The following ZFAND3 variants were observed in gnomAD, a reference collection of about 807,000 sequenced individuals.
The protein encoded by ZFAND3 is zinc finger AN1-type containing 3, also known as AN1-type zinc finger protein 3.
A neutral mutation model predicts 29.6 loss-of-function variants in ZFAND3; 10 were observed. The observed-to-expected ratio is 0.34, with a 90% CI of 0.21 to 0.57. The LOEUF (loss-of-function observed/expected upper bound fraction) is 0.57. ZFAND3 is among the 20% of genes least tolerant of loss of function. ZFAND3 has a pLI of 0.86. For synonymous variants in ZFAND3, 128 were observed against 112.6 expected, an observed-to-expected ratio of 1.14 and a Z score of -0.87; for missense variants, 230 against 304.5, an observed-to-expected ratio of 0.76 and a Z score of 1.82.
chr6:38,099,073 T>G (rs946677700), intron 4 of ZFAND3, among the ~76,000 whole-genome samples: 6 of 152,084 alleles, frequency 3.9e-5, no homozygotes, highest in African/African-American at 1.4e-4. Flanking sequence ...TTTCCTGAGG[T>G]CTCTAAGCTT....
intron 2 of ZFAND3, among the ~76,000 whole-genome samples, chr6:38,014,393 C>A (rs1439416194): frequency 6.6e-6 from 1 of 151,880 alleles, no homozygotes; most frequent in Non-Finnish European, 1.5e-5. Flanking sequence ...GTGGCGCGAT[C>A]TTGGCTCACT....
intron 1 of ZFAND3, among the ~76,000 whole-genome samples, chr6:37,837,682 TTTTTA>T (rs1763994929): frequency 6.6e-6 from 1 of 152,094 alleles, no homozygotes; most frequent in African/African-American, 2.4e-5. Flanking sequence ...CTTTTTTGTA[TTTTTA>T]ATAGAGACAG....
At position 38,153,185 on chromosome 6, in the gene ZFAND3, G is replaced by A; in HGVS notation, c.*796G>A. ...ATTCGCCAGTGCAGGGATCTGGCAC[G>A]GACCAGATGTGGCGAATGGCAGCAC... is the stretch of plus-strand genomic sequence containing the variant. On this transcript the variant is annotated 3_prime_UTR_variant, in exon 6 of 6. Coordinates refer to ENST00000287218, the MANE Select transcript of ZFAND3 (RefSeq NM_021943.3). The A allele has an allele frequency of 1.0e-6, 1 of 985,268 alleles. No individual in the cohort carries two copies. The highest frequency in any genetic ancestry group is 4.7e-5 in the South Asian group (1 of 21,292). 61.0% of individuals were successfully genotyped at this position (985,268 alleles called of 1,614,324 possible).
chr6:38,139,438 A>G (rs1488854487), intron 5 of ZFAND3, among the ~76,000 whole-genome samples: 3 of 152,188 alleles, frequency 2.0e-5, no homozygotes, highest in Non-Finnish European at 4.4e-5. Flanking sequence ...TTGAAGGAAA[A>G]GTTCAAGATG....
intron 1 of ZFAND3, among the ~76,000 whole-genome samples, chr6:37,834,000 C>G (rs182607949): frequency 7.7e-4 from 117 of 152,144 alleles, no homozygotes; most frequent in African/African-American, 2.7e-3. Context: ...AATTGATGAA[C>G]CTACAGTGAC....
At chr6:37,834,870 A>T (rs1581696441) in intron 1 of ZFAND3, among the ~76,000 whole-genome samples, 1 of 150,600 alleles carries the variant, frequency 6.6e-6, no homozygotes, top group Non-Finnish European at 1.5e-5. Context: ...AAAAAACTAG[A>T]TACTACCAGT....
chr6:38,103,480 C>T (rs910960041), intron 4 of ZFAND3, among the ~76,000 whole-genome samples: 2 of 24,486 alleles, frequency 8.2e-5, no homozygotes, highest in African/African-American at 1.1e-4. Context: ...TATATATATA[C>T]ACACATATAT....
At chr6:37,911,519 T>A (rs1242417915) in intron 1 of ZFAND3, among the ~76,000 whole-genome samples, 1 of 152,210 alleles carries the variant, frequency 6.6e-6, no homozygotes, top group Non-Finnish European at 1.5e-5. Context: ...GTTGACTGTT[T>A]CCTTTTCTTT....
At chr6:37,973,266 A>G (rs933685257) in intron 2 of ZFAND3, among the ~76,000 whole-genome samples, 5 of 152,204 alleles carry the variant, frequency 3.3e-5, no homozygotes, top group African/African-American at 1.2e-4. Flanking sequence ...AAAAAATTCT[A>G]TGCTCCATTC....
At chr6:38,076,073 T>C (rs1044680011) in intron 3 of ZFAND3, among the ~76,000 whole-genome samples, 4 of 151,972 alleles carry the variant, frequency 2.6e-5, no homozygotes, top group African/African-American at 9.7e-5. Context: ...TTTTAAGAAA[T>C]TGCTGCACCT....
At chr6:37,927,707 T>A (rs1761514653) in intron 1 of ZFAND3, among the ~76,000 whole-genome samples, 1 of 152,220 alleles carries the variant, frequency 6.6e-6, no homozygotes, top group Non-Finnish European at 1.5e-5. Context: ...GAAGTTGTGC[T>A]TCTTCTAGAT....
chr6:37,934,381 A>G (rs959156673), intron 2 of ZFAND3, among the ~76,000 whole-genome samples: 1 of 151,734 alleles, frequency 6.6e-6, no homozygotes, highest in Non-Finnish European at 1.5e-5. Flanking sequence ...ATCATCCAAT[A>G]TTTTCTATGC....
At chr6:38,060,492 C>G (rs1764213568) in intron 2 of ZFAND3, among the ~76,000 whole-genome samples, 1 of 150,134 alleles carries the variant, frequency 6.7e-6, no homozygotes, top group Non-Finnish European at 1.5e-5. Flanking sequence ...CCTGTCCTGT[C>G]CTGTCCTCCC....
chr6:37,854,857 A>G (rs780567062), intron 1 of ZFAND3, among the ~76,000 whole-genome samples: 6 of 142,194 alleles, frequency 4.2e-5, no homozygotes, highest in Non-Finnish European at 9.1e-5. Flanking sequence ...CTCTGCAGTT[A>G]TATATGTCTT....
intron 1 of ZFAND3, among the ~76,000 whole-genome samples, chr6:37,910,238 T>C (rs1198651635): frequency 2.0e-5 from 3 of 152,192 alleles, no homozygotes; most frequent in Non-Finnish European, 4.4e-5. Context: ...TGCCTCAGTT[T>C]CCCCATTTGT....
At chr6:37,914,739 G>T (rs1235611652) in intron 1 of ZFAND3, among the ~76,000 whole-genome samples, 1 of 140,380 alleles carries the variant, frequency 7.1e-6, no homozygotes, top group Non-Finnish European at 1.5e-5. Flanking sequence ...CTGACCTCGT[G>T]ATCTGCCTGC....
rs760769744 is a variant in ZFAND3 at position 38,116,630 on chromosome 6, G to T, written c.420G>T (p.Thr140=). ...AACGGCCACGACTACTTGAGAATAC[G>T]GAACGGTCCGAGGAAACCAGTCGAT... ...PVKRPRLLEN[T]ERSEETSRSK... The change falls in exon 5 of 6, where the codon ACG becomes ACT. Residue 140 remains threonine, a synonymous_variant. Coordinates refer to ENST00000287218, the MANE Select transcript of ZFAND3 (RefSeq NM_021943.3). The T allele has an allele frequency of 6.2e-7, 1 of 1,613,952 alleles. No homozygotes were observed. Among genetic ancestry groups the T allele is most frequent in the Admixed American group, 1.7e-5 (1 of 60,002 alleles).
intron 1 of ZFAND3, among the ~76,000 whole-genome samples, chr6:37,855,303 C>G (rs1456210068): frequency 6.6e-6 from 1 of 151,066 alleles, no homozygotes; most frequent in Non-Finnish European, 1.5e-5. Flanking sequence ...TGCCACCATG[C>G]CTGGCTAACT....
chr6:38,029,520 C>T (rs1237381642), intron 2 of ZFAND3, among the ~76,000 whole-genome samples: 1 of 152,136 alleles, frequency 6.6e-6, no homozygotes, highest in African/African-American at 2.4e-5. Context: ...TGAAACAGCA[C>T]AGCATTTATG....
Sources: gnomAD v4.1 joint callset for allele counts (sites outside exome capture counted in the v4.1 genomes callset) on GRCh38, gnomAD v4.1.1 for gene constraint, MANE v1.5 for transcripts, NCBI Gene and HGNC (gene_info 2026-07-23, HGNC 2026-07-21) for gene names.